The following STK39 variants were observed in gnomAD, a reference collection of about 807,000 sequenced individuals.
STK39 encodes the protein STE20/SPS1-related proline-alanine-rich protein kinase.
In STK39, 20 loss-of-function variants were observed where a neutral mutation model predicts 77.8. The ratio of observed to expected loss-of-function variants is 0.26; its 90% CI spans 0.18 to 0.37. The LOEUF (loss-of-function observed/expected upper bound fraction) is 0.37. Among genes scored for constraint, STK39 ranks in the 10% least tolerant of loss-of-function variants. The probability of loss-of-function intolerance (pLI) is 1.00; values close to 1 mark genes in which losing one functional copy is unlikely to be tolerated. For missense variants in STK39, 479 were observed against 656.5 expected (o/e 0.73, Z 2.95); for synonymous variants, 246 against 234.1 (o/e 1.05, Z -0.47).
intron 16 of STK39, among the ~76,000 whole-genome samples, chr2:167,981,373 AAAT>A (rs1461443687): frequency 2.0e-5 from 3 of 152,234 alleles, no homozygotes; most frequent in East Asian, 1.9e-4. Flanking sequence ...ACTTTTCTGC[AAAT>A]AATATTATCC....
chr2:167,985,346 G>A (rs1683531113), intron 16 of STK39, among the ~76,000 whole-genome samples: 1 of 152,148 alleles, frequency 6.6e-6, no homozygotes, highest in South Asian at 2.1e-4. Flanking sequence ...TGTTGTTTGT[G>A]CACTTGTTTG....
chr2:168,107,165 G>A (rs572125113), intron 10 of STK39, among the ~76,000 whole-genome samples: 10 of 152,240 alleles, frequency 6.6e-5, no homozygotes, highest in Non-Finnish European at 1.2e-4. Context: ...CTATTAAATC[G>A]AAAGTCAGAA....
At chr2:168,204,260 G>A (rs539415131) in intron 1 of STK39, among the ~76,000 whole-genome samples, 1 of 152,244 alleles carries the variant, frequency 6.6e-6, no homozygotes, top group South Asian at 2.1e-4. Context: ...CGTGGGACAG[G>A]CACCTTAAGG....
chr2:168,188,866 G>A lies in STK39; in HGVS notation c.209-6776C>T, dbSNP rs541419866. On this transcript the variant is annotated intron_variant, in intron 1 of 17. Coordinates refer to ENST00000355999, the MANE Select transcript of STK39 (RefSeq NM_013233.3). Reference sequence around the variant, plus strand: ...CTACGCATTAATTTATAAAACAGACGCTCCTGCTGGCCTGTCTGGATAACA... The same window carrying A: ...CTACGCATTAATTTATAAAACAGACACTCCTGCTGGCCTGTCTGGATAACA... Among the ~76,000 whole-genome samples the A allele has an allele frequency of 2.3e-3, 344 of 152,244 alleles. 3 individuals are homozygous for A. The highest frequency in any genetic ancestry group is 3.4e-3 in the Non-Finnish European group (231 of 68,022).
At chr2:168,195,165 C>T (rs1461942611) in intron 1 of STK39, among the ~76,000 whole-genome samples, 1 of 152,114 alleles carries the variant, frequency 6.6e-6, no homozygotes, top group African/African-American at 2.4e-5. Flanking sequence ...TTGTAACTAA[C>T]GTTTCTACCT....
chr2:168,124,503 T>C (rs1194322411), intron 10 of STK39, among the ~76,000 whole-genome samples: 2 of 152,122 alleles, frequency 1.3e-5, no homozygotes, highest in East Asian at 1.9e-4. Context: ...CGGATTCAAA[T>C]GATTCTCCTG....
chr2:168,104,167 G>C (rs1185881476), intron 10 of STK39, among the ~76,000 whole-genome samples: 1 of 152,188 alleles, frequency 6.6e-6, no homozygotes, highest in Non-Finnish European at 1.5e-5. Context: ...GAAAGGATGT[G>C]TAATGAAACA....
At chr2:168,145,397 A>C (rs1411490665) in intron 5 of STK39, among the ~76,000 whole-genome samples, 1 of 152,096 alleles carries the variant, frequency 6.6e-6, no homozygotes, top group Non-Finnish European at 1.5e-5. Context: ...GAAGCCCTGG[A>C]GCCCACTGTC....
At chr2:168,229,250 G>A (rs1330089326) in intron 1 of STK39, among the ~76,000 whole-genome samples, 1 of 151,748 alleles carries the variant, frequency 6.6e-6, no homozygotes. Context: ...CAGGTGTAGT[G>A]GCAGGTGCCT....
intron 16 of STK39, among the ~76,000 whole-genome samples, chr2:168,002,205 C>T (rs2105298881): frequency 6.6e-6 from 1 of 152,282 alleles, no homozygotes; most frequent in South Asian, 2.1e-4. Flanking sequence ...TATACAACTC[C>T]TAACTAAATA....
At chr2:168,229,255 G>A (rs1030191014) in intron 1 of STK39, among the ~76,000 whole-genome samples, 3 of 151,796 alleles carry the variant, frequency 2.0e-5, no homozygotes, top group Non-Finnish European at 2.9e-5. Context: ...GTAGTGGCAG[G>A]TGCCTTATAA....
Position 167,985,289 on chromosome 2 carries a change from A to G in STK39, c.1499-20563T>C, listed in dbSNP as rs565214636. 3.9e-5 allele frequency among the ~76,000 whole-genome samples: 6 copies of G among 152,352 alleles called. No homozygotes were observed. In the East Asian group the frequency reaches 1.2e-3, roughly 29 times the overall value. On this transcript the variant is annotated intron_variant, in intron 16 of 17. Transcript: ENST00000355999. ...ATTATTGCAAAGAAGATAAACAAACAACACTGGAAAAAACCTTTCTTCAGG... is the reference window on the plus strand; with the variant it reads ...ATTATTGCAAAGAAGATAAACAAACGACACTGGAAAAAACCTTTCTTCAGG...
chr2:168,062,947 A>G (rs1277605264), intron 14 of STK39, among the ~76,000 whole-genome samples: 1 of 152,156 alleles, frequency 6.6e-6, no homozygotes, highest in African/African-American at 2.4e-5. Flanking sequence ...AAAACGGAAA[A>G]CGCTTTCATT....
chr2:168,048,329 C>T (rs1426865546), intron 14 of STK39, among the ~76,000 whole-genome samples: 1 of 151,980 alleles, frequency 6.6e-6, no homozygotes. Flanking sequence ...TCTCCTGCCT[C>T]AGCCTCCTGA....
intron 1 of STK39, among the ~76,000 whole-genome samples, chr2:168,246,894 G>A (rs1466715206): frequency 6.6e-6 from 1 of 151,756 alleles, no homozygotes; most frequent in African/African-American, 2.4e-5. Context: ...GTCCCGGCAC[G>A]CGGGGGGAGG....
At chr2:168,021,005 C>T (rs76762030) in intron 14 of STK39, among the ~76,000 whole-genome samples, 8,520 of 152,076 alleles carry the variant, frequency 0.056, 824 homozygotes, top group African/African-American at 0.19. Flanking sequence ...CTAAAGTAGT[C>T]CAATAACAAA....
intron 1 of STK39, among the ~76,000 whole-genome samples, chr2:168,186,334 G>T (rs1689206944): frequency 6.6e-6 from 1 of 152,102 alleles, no homozygotes; most frequent in Non-Finnish European, 1.5e-5. Context: ...CTCAGTATAT[G>T]GTATTTTGTT....
At chr2:168,048,095 G>A (rs1021933031) in intron 14 of STK39, among the ~76,000 whole-genome samples, 5 of 151,578 alleles carry the variant, frequency 3.3e-5, no homozygotes, top group Non-Finnish European at 2.9e-5. Context: ...GAAAGCTCAG[G>A]AGATAATCTC....
intron 1 of STK39, among the ~76,000 whole-genome samples, chr2:168,225,094 A>G (rs77241851): frequency 0.21 from 31,608 of 152,116 alleles, 4,020 homozygotes; most frequent in Non-Finnish European, 0.29. Flanking sequence ...AGTGAAGCAG[A>G]ATGGGGTTCA....
Sources: gnomAD v4.1 joint callset for allele counts (sites outside exome capture counted in the v4.1 genomes callset) on GRCh38, gnomAD v4.1.1 for gene constraint, MANE v1.5 for transcripts, NCBI Gene and HGNC (gene_info 2026-07-23, HGNC 2026-07-21) for gene names.